The following PEAK3 variants were observed in gnomAD, a reference collection of about 807,000 sequenced individuals.
The protein encoded by PEAK3 is protein PEAK3.
PEAK3 carries 15 observed loss-of-function variants against 13.3 expected under a neutral mutation model. That is an observed-to-expected ratio of 1.13 (90% CI 0.75 to 1.73). The LOEUF is 1.73. Ranked by LOEUF, PEAK3 falls within the 40% of genes most tolerant of loss-of-function variation. PEAK3 has a pLI of 0.00. For missense variants in PEAK3, 739 were observed against 690.2 expected, an observed-to-expected ratio of 1.07 and a Z score of -0.79; for synonymous variants, 347 against 341.9, an observed-to-expected ratio of 1.01 and a Z score of -0.17.
At chr19:2,281,844 G>A (rs2025441099) in intron 1 of PEAK3, among the ~76,000 whole-genome samples, 1 of 152,228 alleles carries the variant, frequency 6.6e-6, no homozygotes, top group South Asian at 2.1e-4. Flanking sequence ...TCCAGGCAGT[G>A]GGAAGGACCC....
At position 2,275,677 on chromosome 19, in the gene PEAK3, G is replaced by T. The variant is rs760432005; in HGVS notation, c.*3C>A. On this transcript the variant is annotated 3_prime_UTR_variant, in exon 4 of 4. Transcript: ENST00000342063. Reference sequence around the variant, plus strand: ...GACCAGGTGTGTTCGCCCTGGGTTGGGGTCAGTCCCACAGCAGCGCCAGGG... The same window carrying T: ...GACCAGGTGTGTTCGCCCTGGGTTGTGGTCAGTCCCACAGCAGCGCCAGGG... The T allele has an allele frequency of 2.1e-6, 3 of 1,462,968 alleles. No homozygotes were observed. Among genetic ancestry groups the T allele is most frequent in the African/African-American group, 2.9e-5 (2 of 68,284 alleles). The allele number at this position is 1,462,968 out of a possible 1,614,324, so 90.6% of individuals were successfully genotyped here.
At position 2,274,939 on chromosome 19, in the gene PEAK3, AAAAAAAAAAAAAAAG is replaced by A. The variant is rs1333050686; in HGVS notation, c.*726_*740del. The A allele has an allele frequency of 7.1e-6, 1 of 141,100 alleles. No homozygotes were observed. The highest frequency in any genetic ancestry group is 2.6e-5 in the African/African-American group (1 of 38,086). The allele number at this position is 141,100 out of a possible 1,614,324, so 8.7% of individuals were successfully genotyped here. The stretch of plus-strand genomic sequence containing the variant: ...GTAAGCCGAGATCGTCTCAAAAAAA[AAAAAAAAAAAAAAAG>A]AAAAAGAAAGTGGAACTGGAACAGT... On this transcript the variant is annotated 3_prime_UTR_variant, in exon 4 of 4. Transcript: ENST00000342063.
Position 2,276,458 on chromosome 19 carries a change from G to A in PEAK3, c.644C>T (p.Pro215Leu), listed in dbSNP as rs749348044. 7 of 1,572,054 alleles carry A rather than the reference G, an allele frequency of 4.5e-6. No homozygotes were observed. The East Asian group carries it at 1.1e-4, about 25-fold the overall frequency. ...GGAGGCCTGCAGCTCCAGGCCCCAC[G>A]GGTGGGGCACGTCCGCCCCGGGCTT... ...VPKPGADVPH[P>L]WGLELQASLS... Residue 215 changes from proline to leucine, a missense_variant, in exon 4 of 4, where the codon CCG becomes CTG. Transcript: ENST00000342063.
rs2025368434 is a variant in PEAK3 at position 2,274,915 on chromosome 19, TA to T, written c.*764del. On this transcript the variant is annotated 3_prime_UTR_variant, in exon 4 of 4. Coordinates refer to ENST00000342063, the MANE Select transcript of PEAK3 (RefSeq NM_198532.3). ...TGAACCCGGGAGGCGGAGCTTGCAGTAAGCCGAGATCGTCTCAAAAAAAAAA... is the reference window on the plus strand; with the variant it reads ...TGAACCCGGGAGGCGGAGCTTGCAGTAGCCGAGATCGTCTCAAAAAAAAAA... 1 of 110,108 alleles carries T rather than the reference TA, an allele frequency of 9.1e-6. No homozygotes were observed. The highest frequency in any genetic ancestry group is 1.7e-5 in the Non-Finnish European group (1 of 59,014). The allele number at this position is 110,108 out of a possible 1,614,324, so 6.8% of individuals were successfully genotyped here.
In PEAK3 at chr19:2,280,910, TG is replaced by T; in HGVS notation, c.21del (p.Thr8GlnfsTer57). The T allele has an allele frequency of 1.9e-6, 3 of 1,583,528 alleles. No individual in the cohort carries two copies. Among genetic ancestry groups the T allele is most frequent in the Non-Finnish European group, 2.6e-6 (3 of 1,164,788 alleles). On this transcript the variant is annotated frameshift_variant, in exon 2 of 4. Coordinates refer to ENST00000342063, the MANE Select transcript of PEAK3 (RefSeq NM_198532.3). LOFTEE classifies it high-confidence loss of function. MSSPEP[P>X]TEPPEPDNPT... ...GGGTTGTCGGGCTCGGGGGGCTCTGTGGGGGGCTCCGGGCTGCTCATGTTGC... is the reference window on the plus strand; with the variant it reads ...GGGTTGTCGGGCTCGGGGGGCTCTGTGGGGGCTCCGGGCTGCTCATGTTGC...
Position 2,276,097 on chromosome 19 carries a change from A to T in PEAK3, c.1005T>A (p.Cys335Ter), listed in dbSNP as rs2025384064. ...RLLLTDFGRV[C>*]LQPPGPPGSP... ...ATCCCGGGGGTCCAGGGGGCTGCAGACAGACGCGGCCAAAGTCAGTGAGGA... is the reference window on the plus strand; with the variant it reads ...ATCCCGGGGGTCCAGGGGGCTGCAGTCAGACGCGGCCAAAGTCAGTGAGGA... Residue 335 changes from cysteine to a stop codon, truncating the protein, a stop_gained, in exon 4 of 4, where the codon TGT becomes TGA. Coordinates refer to ENST00000342063, the MANE Select transcript of PEAK3 (RefSeq NM_198532.3). LOFTEE classifies it low-confidence loss of function (END_TRUNC). 3.3e-6 allele frequency: 5 copies of T among 1,503,066 alleles called. No individual in the cohort carries two copies. Among genetic ancestry groups the T allele is most frequent in the Non-Finnish European group, 3.6e-6 (4 of 1,123,422 alleles). The allele number at this position is 1,503,066 out of a possible 1,614,324, so 93.1% of individuals were successfully genotyped here. A position where few individuals can be genotyped will look rare whatever the true frequency, so the allele number is the denominator to read the frequency against.
At chr19:2,276,514 G>T (rs1366374003) in intron 3 of PEAK3, 25 bp from the exon 4 acceptor site, 1 of 1,468,542 alleles carries the variant, frequency 6.8e-7, no homozygotes, top group East Asian at 2.4e-5. Context: ...GGGTGTCGGG[G>T]CCTGGATCAC....
chr19:2,276,116 G>C lies in PEAK3; in HGVS notation c.986C>G (p.Thr329Ser). ...CTGCAGACAGACGCGGCCAAAGTCA[G>C]TGAGGAGCAGGCGTGGGGGCCCCGT... is the stretch of plus-strand genomic sequence containing the variant. Reference protein sequence around the residue: ...ATTGPPRLLLTDFGRVCLQPP... With the variant: ...ATTGPPRLLLSDFGRVCLQPP... Residue 329 changes from threonine to serine, a missense_variant, in exon 4 of 4, where the codon ACT becomes AGT. Coordinates refer to ENST00000342063, the MANE Select transcript of PEAK3 (RefSeq NM_198532.3). The C allele has an allele frequency of 6.6e-7, 1 of 1,526,172 alleles. No homozygotes were observed. Among genetic ancestry groups the C allele is most frequent in the Non-Finnish European group, 8.8e-7 (1 of 1,135,914 alleles). The allele number at this position is 1,526,172 out of a possible 1,614,324, so 94.5% of individuals were successfully genotyped here. A position where few individuals can be genotyped will look rare whatever the true frequency, so the allele number is the denominator to read the frequency against.
At chr19:2,278,456 C>A in intron 3 of PEAK3, 128 bp downstream of exon 3, 2 of 1,134,282 alleles carry the variant, frequency 1.8e-6, no homozygotes, top group South Asian at 3.4e-5. Context: ...CCACCGCGCC[C>A]GGCTCCAGTA....
At position 2,276,620 on chromosome 19, in the gene PEAK3, T is replaced by C. The variant is rs923199480; in HGVS notation, c.613-131A>G. On this transcript the variant is annotated intron_variant, in intron 3 of 3. Transcript: ENST00000342063. ...GCCCCCACTACGGCTAGGGGCTGCCTGCATCCCTCCAGCAGCAGGAGGTCA... is the reference window on the plus strand; with the variant it reads ...GCCCCCACTACGGCTAGGGGCTGCCCGCATCCCTCCAGCAGCAGGAGGTCA... The C allele has an allele frequency of 7.1e-6, 5 of 704,708 alleles. No individual in the cohort carries two copies. In the African/African-American group the frequency reaches 7.4e-5, roughly 10 times the overall value. The allele number at this position is 704,708 out of a possible 1,614,324, so 43.7% of individuals were successfully genotyped here. A position where few individuals can be genotyped will look rare whatever the true frequency, so the allele number is the denominator to read the frequency against.
At position 2,279,023 on chromosome 19, in the gene PEAK3, G is replaced by T. The variant is rs777639596; in HGVS notation, c.173C>A (p.Pro58His). Reference protein sequence around the residue: ...LSTNPEPLPPPLPKKILTRTQ... With the variant: ...LSTNPEPLPPHLPKKILTRTQ... ...CCGGGTTAGGATCTTCTTGGGCAGG[G>T]GTGGGGGCAGGGGCTCTGGGTTGGT... The change falls in exon 3 of 4, where the codon CCC becomes CAC. Residue 58 changes from proline (P) to histidine (H), a missense_variant. Pro to His is a moderately conservative substitution (Grantham distance 77, BLOSUM62 -2). Transcript: ENST00000342063. 7 of 1,541,694 alleles carry T rather than the reference G, an allele frequency of 4.5e-6. No homozygotes were observed. The African/African-American group carries it at 9.5e-5, about 21-fold the overall frequency.
rs777639596 is a variant in PEAK3, at chr19:2,279,023, G to A, written c.173C>T (p.Pro58Leu). 4 of 1,541,694 alleles carry A rather than the reference G, an allele frequency of 2.6e-6. No individual in the cohort carries two copies. The South Asian group carries it at 3.7e-5, about 14-fold the overall frequency. ...LSTNPEPLPP[P>L]LPKKILTRTQ... ...CCGGGTTAGGATCTTCTTGGGCAGG[G>A]GTGGGGGCAGGGGCTCTGGGTTGGT... Residue 58 changes from proline (P) to leucine (L), a missense_variant, in exon 3 of 4, where the codon CCC becomes CTC. Transcript: ENST00000342063.
At chr19:2,282,039 C>A (rs78379113) in intron 1 of PEAK3, 48 bp downstream of exon 1, 17,355 of 152,532 alleles carry the variant, frequency 0.11, 1,821 homozygotes, top group African/African-American at 0.29. Flanking sequence ...ATCCCAACCT[C>A]AAAAAGTGGC....
rs759964111 is a variant in PEAK3, at chr19:2,278,457, G to A, written c.612+127C>T. Reference sequence around the variant, plus strand: ...ATGACAGGCGTGAGCCACCGCGCCCGGCTCCAGTATTTCTTTACAGCAGTG... The same window carrying A: ...ATGACAGGCGTGAGCCACCGCGCCCAGCTCCAGTATTTCTTTACAGCAGTG... On this transcript the variant is annotated intron_variant, in intron 3 of 3. Transcript: ENST00000342063. The A allele has an allele frequency of 7.8e-5, 89 of 1,143,816 alleles. No homozygotes were observed. The Middle Eastern group carries it at 8.7e-4, about 11-fold the overall frequency. 70.9% of individuals were successfully genotyped at this position (1,143,816 alleles called of 1,614,324 possible).
At position 2,275,908 on chromosome 19, in the gene PEAK3, C is replaced by T; in HGVS notation, c.1194G>A (p.Leu398=). ...GCAGCTCAGGCCCGGGCCCCCAGAG[C>T]AGCGCCTGCAGCGCGCCCCGCGTCC... ...ASRTRGALQA[L]LWGPGPELRG... The change falls in exon 4 of 4, where the codon CTG becomes CTA. Residue 398 remains leucine (L), a synonymous_variant. Transcript: ENST00000342063. 4 of 1,370,802 alleles carry T rather than the reference C, an allele frequency of 2.9e-6. No homozygotes were observed. Among genetic ancestry groups the T allele is most frequent in the Non-Finnish European group, 3.7e-6 (4 of 1,069,484 alleles). 84.9% of individuals were successfully genotyped at this position (1,370,802 alleles called of 1,614,324 possible). A position where few individuals can be genotyped will look rare whatever the true frequency, so the allele number is the denominator to read the frequency against.
intron 2 of PEAK3, among the ~76,000 whole-genome samples, chr19:2,280,372 C>A (rs1344169126): frequency 6.6e-6 from 1 of 151,572 alleles, no homozygotes; most frequent in African/African-American, 2.4e-5. Context: ...CCGTGCCCAG[C>A]CTCTCTCTCT....
rs960493402 is a variant in PEAK3, at chr19:2,276,234, C to T, written c.868G>A (p.Ala290Thr). 5.4e-5 allele frequency: 85 copies of T among 1,581,812 alleles called. No homozygotes were observed. Among genetic ancestry groups the T allele is most frequent in the Non-Finnish European group, 7.0e-5 (82 of 1,169,674 alleles). Residue 290 changes from alanine to threonine, a missense_variant, in exon 4 of 4, where the codon GCG becomes ACG. Coordinates refer to ENST00000342063, the MANE Select transcript of PEAK3 (RefSeq NM_198532.3). The stretch of plus-strand genomic sequence containing the variant: ...CACGCCTCCAGGAACTTCAGGGCCG[C>T]GCTCAGCTGCAGCAGCAGCAGGGCC... ...AVALLLLQLS[A>T]ALKFLEAWGA...
Position 2,275,421 on chromosome 19 carries a change from C to T in PEAK3, c.*259G>A. 1 of 351,906 alleles carries T rather than the reference C, an allele frequency of 2.8e-6. No homozygotes were observed. The highest frequency in any genetic ancestry group is 5.1e-6 in the Non-Finnish European group (1 of 195,570). 21.8% of individuals were successfully genotyped at this position (351,906 alleles called of 1,614,324 possible). On this transcript the variant is annotated 3_prime_UTR_variant, in exon 4 of 4. Transcript: ENST00000342063. ...CACACCTGGAAGTGGCGTGGGGGCC[C>T]TGGCTTCAGAGAGCTGCTGCCCAAC...
intron 2 of PEAK3, 144 bp from the exon 3 acceptor site, chr19:2,279,257 C>A: frequency 1.5e-6 from 1 of 659,640 alleles, no homozygotes; most frequent in Non-Finnish European, 2.2e-6. Flanking sequence ...GTAATCCCAG[C>A]ACTTAGGAAG....
Sources: allele counts gnomAD v4.1 joint callset (sites outside exome capture counted in the v4.1 genomes callset), GRCh38; gene constraint gnomAD v4.1.1; transcripts MANE v1.5; gene names NCBI Gene and HGNC (gene_info 2026-07-23, HGNC 2026-07-21).